Variants in CROCC2 observed in about 807,000 individuals in gnomAD.
CROCC2 encodes ciliary rootlet coiled-coil, rootletin family member 2.
A neutral mutation model predicts 177.6 loss-of-function variants in CROCC2; 163 were observed. The observed-to-expected ratio is 0.92, with a 90% CI of 0.81 to 1.05. CROCC2 has a LOEUF of 1.05. Ranked by LOEUF, CROCC2 falls within the 50% of genes least tolerant of loss-of-function variation. CROCC2 has a pLI of 0.00. For missense variants in CROCC2, 1,929 were observed against 1,797.8 expected, an observed-to-expected ratio of 1.07 and a Z score of -1.32; for synonymous variants, 904 against 787.3, an observed-to-expected ratio of 1.15 and a Z score of -2.48.
In CROCC2 at chr2:240,939,717, C is replaced by T. The variant is rs570287742; in HGVS notation, c.2169+4129C>T. On this transcript the variant is annotated intron_variant, in intron 14 of 31. Transcript: ENST00000690015. Reference sequence around the variant, plus strand: ...TTAGTTTTTATTTATGTTTCTTCATCTGCATCCTAATAATTTTGCATGTTG... The same window carrying T: ...TTAGTTTTTATTTATGTTTCTTCATTTGCATCCTAATAATTTTGCATGTTG... Among the ~76,000 whole-genome samples, 11 of 152,212 alleles carry T rather than the reference C, an allele frequency of 7.2e-5. No homozygotes were observed. In the East Asian group the frequency reaches 2.1e-3, roughly 29 times the overall value.
chr2:240,933,126 A>C lies in CROCC2; in HGVS notation c.1252-5A>C, dbSNP rs1559595460. ...AGAGGCCCACAACTTACCCCACCCG[A>C]GCAGGAGCTGTGCCTGCAGCTGAAG... On this transcript the variant is annotated splice_region_variant and splice_polypyrimidine_tract_variant and intron_variant, in intron 9 of 31. Transcript: ENST00000690015. The C allele has an allele frequency of 6.5e-6, 10 of 1,550,064 alleles. No individual in the cohort carries two copies. The highest frequency in any genetic ancestry group is 8.7e-6 in the Non-Finnish European group (10 of 1,146,880).
At position 240,949,775 on chromosome 2, in the gene CROCC2, A is replaced by G; in HGVS notation, c.2652+73A>G. The G allele has an allele frequency of 7.0e-7, 1 of 1,431,176 alleles. No individual in the cohort carries two copies. Among genetic ancestry groups the G allele is most frequent in the Non-Finnish European group, 9.4e-7 (1 of 1,067,372 alleles). The allele number at this position is 1,431,176 out of a possible 1,614,324, so 88.7% of individuals were successfully genotyped here. On this transcript the variant is annotated intron_variant, in intron 17 of 31. Coordinates refer to ENST00000690015, the MANE Select transcript of CROCC2 (RefSeq NM_001351305.2). The surrounding 1 kb of genome is among the most constrained non-coding windows in gnomAD (Gnocchi z 4.5). The stretch of plus-strand genomic sequence containing the variant: ...TCCCGGGGAATGGCAGGCCCTTGGG[A>G]GGAGGGGGCCCTGGGAGACAGAGCT...
Position 240,965,377 on chromosome 2 carries a change from C to T in CROCC2, c.3466-4C>T, listed in dbSNP as rs1342048666. The T allele has an allele frequency of 6.5e-7, 1 of 1,549,232 alleles. No homozygotes were observed. The highest frequency in any genetic ancestry group is 1.2e-5 in the South Asian group (1 of 83,994). Reference sequence around the variant, plus strand: ...ACCCTGTCCGTGCGGCCCCACGCTCCCAGGTGAGGACACTGAAGGCCGAGA... The same window carrying T: ...ACCCTGTCCGTGCGGCCCCACGCTCTCAGGTGAGGACACTGAAGGCCGAGA... On this transcript the variant is annotated splice_region_variant and splice_polypyrimidine_tract_variant and intron_variant, in intron 22 of 31. Coordinates refer to ENST00000690015, the MANE Select transcript of CROCC2 (RefSeq NM_001351305.2).
chr2:240,971,344 C>T (rs140468809), intron 27 of CROCC2, among the ~76,000 whole-genome samples: 9 of 152,306 alleles, frequency 5.9e-5, no homozygotes, highest in East Asian at 1.9e-4. Flanking sequence ...CTGCCTGCCA[C>T]GTGGGTCCGA....
intron 4 of CROCC2, 112 bp from the exon 5 acceptor site, chr2:240,925,612 T>G: frequency 1.6e-6 from 1 of 614,098 alleles, no homozygotes; most frequent in Non-Finnish European, 3.0e-6. Context: ...CCCAGGTCAG[T>G]TAGGCCCAGA....
chr2:240,929,306 C>T (rs950685252), intron 5 of CROCC2, among the ~76,000 whole-genome samples: 3 of 152,078 alleles, frequency 2.0e-5, no homozygotes, highest in African/African-American at 4.8e-5. Context: ...CCTGAAGGCA[C>T]CCTGGAGGAG....
intron 1 of CROCC2, among the ~76,000 whole-genome samples, chr2:240,916,512 C>G (rs1210474389): frequency 2.4e-5 from 3 of 125,866 alleles, no homozygotes; most frequent in East Asian, 2.8e-4. Context: ...CCCGCTCCCC[C>G]CGTGTCCCCC....
In CROCC2 at chr2:240,965,704, G is replaced by A. The variant is rs571392433; in HGVS notation, c.3672G>A (p.Gln1224=). ...GGGAGGCCCATGGACAGCGGCTCCA[G>A]GAGCACCTCCGTGAGAGCCGGGGGG... ...AAGEAHGQRL[Q]EHLRESRGAE... The change falls in exon 24 of 32, where the codon CAG becomes CAA. Residue 1224 remains glutamine, a synonymous_variant. Coordinates refer to ENST00000690015, the MANE Select transcript of CROCC2 (RefSeq NM_001351305.2). 2.5e-5 allele frequency: 39 copies of A among 1,549,532 alleles called. No individual in the cohort carries two copies. In the African/African-American group the frequency reaches 4.8e-4, roughly 19 times the overall value.
chr2:240,933,215 G>A lies in CROCC2; in HGVS notation c.1336G>A (p.Ala446Thr), dbSNP rs765071644. ...GTCCGAAAGCCGGCGGGAGCTGTGG[G>A]CCGCACAGAAGCTCCAGCAGGAGCG... is the stretch of plus-strand genomic sequence containing the variant. ...QLSESRRELW[A>T]AQKLQQERAR... is the part of the protein sequence containing the mutation. Residue 446 changes from alanine to threonine, a missense_variant, in exon 10 of 32, where the codon GCC (alanine) becomes ACC (threonine). Physicochemically the swap from Ala to Thr is moderately conservative, Grantham distance 58. Coordinates refer to ENST00000690015, the MANE Select transcript of CROCC2 (RefSeq NM_001351305.2). 6.5e-7 allele frequency: 1 copy of A among 1,549,642 alleles called. No individual in the cohort carries two copies. Among genetic ancestry groups the A allele is most frequent in the South Asian group, 1.2e-5 (1 of 83,996 alleles).
chr2:240,971,411 C>T (rs2059720197), intron 27 of CROCC2, among the ~76,000 whole-genome samples: 2 of 152,186 alleles, frequency 1.3e-5, no homozygotes, highest in Non-Finnish European at 1.5e-5. Flanking sequence ...GGTGGGGCCG[C>T]TCATGGCATC....
Position 240,932,750 on chromosome 2 carries a change from A to AGCCCCAGTGTCGGGGGTGTC in CROCC2, c.1093_1094insGCCCCAGTGTCGGGGGTGTC (p.Thr365SerfsTer17). ...CCTGGAGCTGGCAGGTAGCAGCATC[A>AGCCCCAGTGTCGGGGGTGTC]CTGAATTGGGGGAGCCACGGCGCCC... On this transcript the variant is annotated frameshift_variant, in exon 9 of 32. Transcript: ENST00000690015. LOFTEE classifies it high-confidence loss of function. 1 of 1,055,392 alleles carries AGCCCCAGTGTCGGGGGTGTC rather than the reference A, an allele frequency of 9.5e-7. No homozygotes were observed. The highest frequency in any genetic ancestry group is 1.4e-6 in the Non-Finnish European group (1 of 694,756). 65.4% of individuals were successfully genotyped at this position (1,055,392 alleles called of 1,614,324 possible).
chr2:240,910,588 G>A (rs1031329442), intron 1 of CROCC2, among the ~76,000 whole-genome samples: 6 of 152,184 alleles, frequency 3.9e-5, no homozygotes, highest in Non-Finnish European at 7.3e-5. Flanking sequence ...CCTTGGGTCT[G>A]GAACCCCAGT....
chr2:240,945,057 C>T (rs187489597), intron 14 of CROCC2, among the ~76,000 whole-genome samples: 1 of 152,260 alleles, frequency 6.6e-6, no homozygotes, highest in Admixed American at 6.5e-5. Context: ...CTGCCTCGGC[C>T]TCCTGAATAG....
intron 9 of CROCC2, 32 bp downstream of exon 9, chr2:240,932,940 C>T: frequency 6.5e-7 from 1 of 1,541,226 alleles, no homozygotes; most frequent in Non-Finnish European, 8.7e-7. Flanking sequence ...GACTCCCTGT[C>T]TCCCTGAGGG....
At position 240,972,802 on chromosome 2, in the gene CROCC2, T is replaced by C. The variant is rs1346318321; in HGVS notation, c.4401+4540T>C. Among the ~76,000 whole-genome samples, 1 of 152,094 alleles carries C rather than the reference T, an allele frequency of 6.6e-6. No homozygotes were observed. The highest frequency in any genetic ancestry group is 1.5e-5 in the Non-Finnish European group (1 of 68,004). On this transcript the variant is annotated intron_variant, in intron 27 of 31. Coordinates refer to ENST00000690015, the MANE Select transcript of CROCC2 (RefSeq NM_001351305.2). This position sits in a 1 kb window ranked among gnomAD's most constrained non-coding sequence, Gnocchi z 7.1. ...GTCCTCCAAGTCCCTGGTCTCCAGCTCTGAGGAAAGTTTTTCCCAACTTTT... is the reference window on the plus strand; with the variant it reads ...GTCCTCCAAGTCCCTGGTCTCCAGCCCTGAGGAAAGTTTTTCCCAACTTTT...
rs2059605920 is a variant in CROCC2 at position 240,958,203 on chromosome 2, G to A, written c.2944-1098G>A. 1.0e-6 allele frequency: 1 copy of A among 985,118 alleles called. No individual in the cohort carries two copies. Among genetic ancestry groups the A allele is most frequent in the Non-Finnish European group, 1.2e-6 (1 of 829,676 alleles). The allele number at this position is 985,118 out of a possible 1,614,324, so 61.0% of individuals were successfully genotyped here. A position where few individuals can be genotyped will look rare whatever the true frequency, so the allele number is the denominator to read the frequency against. ...AGGACAGCGTGCGCCCCTAGGCTGA[G>A]TCACCACTGCCATCGGGCTCCCAGC... On this transcript the variant is annotated intron_variant, in intron 19 of 31. Transcript: ENST00000690015. This position sits in a 1 kb window ranked among gnomAD's most constrained non-coding sequence, Gnocchi z 6.7.
Position 240,949,079 on chromosome 2 carries a change from G to A in CROCC2, c.2464G>A (p.Ala822Thr), listed in dbSNP as rs753248191. 6.5e-5 allele frequency: 101 copies of A among 1,545,444 alleles called. No individual in the cohort carries two copies. The South Asian group carries it at 9.1e-4, about 14-fold the overall frequency. The change falls in exon 16 of 32, where the codon GCG becomes ACG. Residue 822 changes from alanine (A) to threonine (T), a missense_variant. Physicochemically the swap from Ala to Thr is moderately conservative, Grantham distance 58. Coordinates refer to ENST00000690015, the MANE Select transcript of CROCC2 (RefSeq NM_001351305.2). This position sits in a 1 kb window ranked among gnomAD's most constrained non-coding sequence, Gnocchi z 4.5. ...LEEEARSAGLARQALQVEMEQ... is the reference protein window; with the variant it reads ...LEEEARSAGLTRQALQVEMEQ... ...GGAGGAAGCCCGGAGCGCAGGACTC[G>A]CGCGGCAGGCCTTGCAAGGTGCTCC...
chr2:240,948,826 T>C (rs1240986412), intron 15 of CROCC2, among the ~76,000 whole-genome samples, 153 bp from the exon 16 acceptor site: 2 of 152,258 alleles, frequency 1.3e-5, no homozygotes, highest in African/African-American at 4.8e-5. Flanking sequence ...TAACAGCACA[T>C]GGTGCTCCAG....
Position 240,917,868 on chromosome 2 carries a change from T to G in CROCC2, c.79-858T>G, listed in dbSNP as rs1040165926. The stretch of plus-strand genomic sequence containing the variant: ...GGCGGCCTGTGTGTCCTGCCCACAG[T>G]CGGTAATCTATTTCACCTGGCAGGA... On this transcript the variant is annotated intron_variant, in intron 1 of 31. Transcript: ENST00000690015. This position sits in a 1 kb window ranked among gnomAD's most constrained non-coding sequence, Gnocchi z 4.9. Among the ~76,000 whole-genome samples the G allele has an allele frequency of 7.9e-5, 12 of 152,130 alleles. No individual in the cohort carries two copies. The highest frequency in any genetic ancestry group is 1.8e-4 in the Non-Finnish European group (12 of 67,994).
Sources: gnomAD v4.1 joint callset for allele counts (sites outside exome capture counted in the v4.1 genomes callset) on GRCh38, gnomAD v4.1.1 for gene constraint, Gnocchi (gnomAD v3.1) non-coding constraint, MANE v1.5 for transcripts, NCBI Gene and HGNC (gene_info 2026-07-23, HGNC 2026-07-21) for gene names.